Variants in DPYSL5 observed in about 807,000 individuals in gnomAD.
DPYSL5 encodes dihydropyrimidinase like 5, also known as dihydropyrimidinase-related protein 5.
In DPYSL5, 9 loss-of-function variants were observed where a neutral mutation model predicts 58.4. The observed-to-expected ratio is 0.15, with a 90% CI of 0.09 to 0.27. DPYSL5 has a LOEUF of 0.27. Ranked by LOEUF, DPYSL5 falls within the 10% of genes least tolerant of loss-of-function variation. DPYSL5 has a pLI of 1.00. For synonymous variants in DPYSL5, 293 were observed against 301.9 expected (o/e 0.97, Z 0.31); for missense variants, 499 against 770.6 (o/e 0.65, Z 4.17).
chr2:26,900,765 G>T (rs976354731), intron 2 of DPYSL5, among the ~76,000 whole-genome samples: 1 of 152,298 alleles, frequency 6.6e-6, no homozygotes, highest in Non-Finnish European at 1.5e-5. Context: ...GGTCCATTCT[G>T]TAGCATGCTC....
At chr2:26,902,075 G>A (rs958073798) in intron 2 of DPYSL5, among the ~76,000 whole-genome samples, 4 of 152,022 alleles carry the variant, frequency 2.6e-5, no homozygotes, top group Non-Finnish European at 5.9e-5. Context: ...CCCTCCCCAG[G>A]CCCAGAACTA....
At chr2:26,873,258 A>G (rs896504041) in intron 1 of DPYSL5, among the ~76,000 whole-genome samples, 1 of 152,140 alleles carries the variant, frequency 6.6e-6, no homozygotes, top group South Asian at 2.1e-4. Flanking sequence ...TTATTTGCCT[A>G]TGTAATCACT....
At chr2:26,919,679 G>A (rs1483182969) in intron 2 of DPYSL5, among the ~76,000 whole-genome samples, 1 of 152,124 alleles carries the variant, frequency 6.6e-6, no homozygotes, top group Non-Finnish European at 1.5e-5. Context: ...CTTTTGGTCA[G>A]CCACCAGGCT....
intron 1 of DPYSL5, among the ~76,000 whole-genome samples, chr2:26,872,096 G>T (rs2148117753): frequency 6.6e-6 from 1 of 152,302 alleles, no homozygotes; most frequent in Non-Finnish European, 1.5e-5. Flanking sequence ...ATAATTCAGT[G>T]TCATTTAAGT....
At chr2:26,945,341 T>G (rs901201326) in intron 12 of DPYSL5, among the ~76,000 whole-genome samples, 1 of 151,714 alleles carries the variant, frequency 6.6e-6, no homozygotes. Flanking sequence ...ATTGTATATA[T>G]TTTATTAACT....
At chr2:26,875,866 G>C (rs1663397519) in intron 1 of DPYSL5, among the ~76,000 whole-genome samples, 1 of 152,118 alleles carries the variant, frequency 6.6e-6, no homozygotes, top group African/African-American at 2.4e-5. Flanking sequence ...ACATGAAAAA[G>C]AGGAAATGCT....
chr2:26,850,126 G>C (rs936764286), intron 1 of DPYSL5, among the ~76,000 whole-genome samples: 13 of 152,250 alleles, frequency 8.5e-5, no homozygotes, highest in African/African-American at 3.1e-4. Context: ...GTCAAATTGC[G>C]GAGAAGCGGG....
At chr2:26,879,409 C>A (rs180923686) in intron 1 of DPYSL5, among the ~76,000 whole-genome samples, 2 of 148,442 alleles carry the variant, frequency 1.3e-5, no homozygotes, top group Admixed American at 1.4e-4. Context: ...TCACTTGAGG[C>A]CAGGAGTTTG....
In DPYSL5 at chr2:26,934,764, A is replaced by G. The variant is rs1665129193; in HGVS notation, c.947+30A>G. ...GGCGTTTCAGCAGCACATTGCAGGG[A>G]TGTGTACATCTTTAGGAAGACGTCA... On this transcript the variant is annotated intron_variant, in intron 8 of 12. Transcript: ENST00000288699. This position sits in a 1 kb window ranked among gnomAD's most constrained non-coding sequence, Gnocchi z 4.3. 1 of 1,612,550 alleles carries G rather than the reference A, an allele frequency of 6.2e-7. No individual in the cohort carries two copies. Among genetic ancestry groups the G allele is most frequent in the Non-Finnish European group, 8.5e-7 (1 of 1,179,116 alleles).
chr2:26,921,790 A>G (rs1268314941), intron 2 of DPYSL5, among the ~76,000 whole-genome samples: 1 of 152,074 alleles, frequency 6.6e-6, no homozygotes, highest in Non-Finnish European at 1.5e-5. Flanking sequence ...ACTTATGTGC[A>G]TGCCCCTCCC....
intron 2 of DPYSL5, among the ~76,000 whole-genome samples, chr2:26,909,190 A>G (rs998770372): frequency 6.6e-6 from 1 of 152,090 alleles, no homozygotes; most frequent in Non-Finnish European, 1.5e-5. Context: ...TTTCTTGTTG[A>G]CTAAAACTGA....
At position 26,877,693 on chromosome 2, in the gene DPYSL5, T is replaced by C. The variant is rs998473705; in HGVS notation, c.-4-20803T>C. On this transcript the variant is annotated intron_variant, in intron 1 of 12. Coordinates refer to ENST00000288699, the MANE Select transcript of DPYSL5 (RefSeq NM_020134.4). This position sits in a 1 kb window ranked among gnomAD's most constrained non-coding sequence, Gnocchi z 4.1. ...AATTATATAGTACCAAGAGATTGAG[T>C]TCCACTGTAATTCTCCTGTGGGAAA... is the stretch of plus-strand genomic sequence containing the variant. Among the ~76,000 whole-genome samples the C allele has an allele frequency of 6.6e-6, 1 of 152,224 alleles. No homozygotes were observed. Among genetic ancestry groups the C allele is most frequent in the Non-Finnish European group, 1.5e-5 (1 of 68,048 alleles).
intron 5 of DPYSL5, among the ~76,000 whole-genome samples, chr2:26,928,721 A>ACACACACACACACACACACACACACACC (rs1664893498): frequency 1.2e-5 from 1 of 85,788 alleles, no homozygotes; most frequent in Admixed American, 9.5e-5. Context: ...ACACACATAC[A>ACACACACACACACACACACACACACACC]TATATATACG....
At chr2:26,872,739 A>G (rs964992447) in intron 1 of DPYSL5, among the ~76,000 whole-genome samples, 1 of 151,862 alleles carries the variant, frequency 6.6e-6, no homozygotes, top group Non-Finnish European at 1.5e-5. Context: ...TTTACTCTAT[A>G]TTAAAAATGG....
At position 26,890,456 on chromosome 2, in the gene DPYSL5, G is replaced by A. The variant is rs187488998; in HGVS notation, c.-4-8040G>A. Among the ~76,000 whole-genome samples, 253 of 152,318 alleles carry A rather than the reference G, an allele frequency of 1.7e-3. 2 individuals are homozygous for A. Among genetic ancestry groups the A allele is most frequent in the Admixed American group, 0.014 (209 of 15,300 alleles). On this transcript the variant is annotated intron_variant, in intron 1 of 12. Coordinates refer to ENST00000288699, the MANE Select transcript of DPYSL5 (RefSeq NM_020134.4). Reference sequence around the variant, plus strand: ...CGATATTATCCAAACAAGCCAGTGCGGGCTTAGAGGTCCCAAGACCTTGGG... The same window carrying A: ...CGATATTATCCAAACAAGCCAGTGCAGGCTTAGAGGTCCCAAGACCTTGGG...
intron 1 of DPYSL5, among the ~76,000 whole-genome samples, chr2:26,866,923 G>A (rs189136610): frequency 0.021 from 3,212 of 151,710 alleles, 130 homozygotes; most frequent in African/African-American, 0.075. Flanking sequence ...TAGTAGAGAC[G>A]GGGTTTCACC....
chr2:26,860,989 T>C (rs1468467967), intron 1 of DPYSL5, among the ~76,000 whole-genome samples: 2 of 152,162 alleles, frequency 1.3e-5, no homozygotes, highest in Non-Finnish European at 2.9e-5. Flanking sequence ...TAAACAGTAA[T>C]AATAATTTGT....
intron 1 of DPYSL5, among the ~76,000 whole-genome samples, chr2:26,863,912 C>G (rs759492412): frequency 6.6e-5 from 10 of 152,084 alleles, no homozygotes; most frequent in Non-Finnish European, 1.0e-4. Flanking sequence ...CACAGTATTT[C>G]CTTTTCGTTT....
intron 1 of DPYSL5, among the ~76,000 whole-genome samples, chr2:26,851,167 C>T (rs1381242444): frequency 6.6e-6 from 1 of 152,084 alleles, no homozygotes; most frequent in Non-Finnish European, 1.5e-5. Context: ...CATATTATTA[C>T]CCAAAGGGAA....
Sources: allele counts gnomAD v4.1 joint callset (sites outside exome capture counted in the v4.1 genomes callset), GRCh38; gene constraint gnomAD v4.1.1; non-coding constraint Gnocchi (gnomAD v3.1); transcripts MANE v1.5; gene names NCBI Gene and HGNC (gene_info 2026-07-23, HGNC 2026-07-21).